Variants in NFIB observed in about 807,000 individuals in gnomAD.
NFIB encodes nuclear factor I B.
A neutral mutation model predicts 61.5 loss-of-function variants in NFIB; 11 were observed. The ratio of observed to expected loss-of-function variants is 0.18; its 90% confidence interval spans 0.11 to 0.30. The LOEUF is 0.30. NFIB is among the 10% of genes least tolerant of loss of function. The pLI is 1.00. For missense variants in NFIB, 471 were observed against 608.9 expected (o/e 0.77, Z 2.38); for synonymous variants, 260 against 216.5 (o/e 1.20, Z -1.76).
the NFIB span, among the ~76,000 whole-genome samples, chr9:14,471,541 G>A: frequency 1.3e-5 from 2 of 152,242 alleles, no homozygotes; most frequent in African/African-American, 4.8e-5. Flanking sequence ...GTAGAAGACT[G>A]CAAAGCTTCT....
At chr9:14,227,421 T>C (rs755576554) in intron 2 of NFIB, among the ~76,000 whole-genome samples, 1 of 152,194 alleles carries the variant, frequency 6.6e-6, no homozygotes, top group Non-Finnish European at 1.5e-5. Flanking sequence ...AAAGCATGGA[T>C]GAATTTTTTA....
chr9:14,310,656 G>A (rs1006031972), intron 1 of NFIB, among the ~76,000 whole-genome samples: 1 of 152,062 alleles, frequency 6.6e-6, no homozygotes, highest in Non-Finnish European at 1.5e-5. Context: ...AAACATATAA[G>A]TGATTTAAAA....
At chr9:14,409,266 T>G in the NFIB span, among the ~76,000 whole-genome samples, 77 of 152,318 alleles carry the variant, frequency 5.1e-4, no homozygotes, top group African/African-American at 1.8e-3. Flanking sequence ...ATAATTTAAT[T>G]TTTAATAATG....
At chr9:14,119,300 A>G (rs1340928076) in intron 8 of NFIB, among the ~76,000 whole-genome samples, 1 of 152,168 alleles carries the variant, frequency 6.6e-6, no homozygotes, top group East Asian at 1.9e-4. Flanking sequence ...ACATTTTAAC[A>G]TTTTCTTCTA....
intron 2 of NFIB, among the ~76,000 whole-genome samples, chr9:14,226,484 C>T (rs374400011): frequency 1.2e-4 from 18 of 150,966 alleles, no homozygotes; most frequent in African/African-American, 4.4e-4. Flanking sequence ...TGCGGTGGTG[C>T]CTGCAGTGTG....
In NFIB at chr9:14,309,433, A is replaced by G. The variant is rs910183915; in HGVS notation, c.31-1913T>C. ...CAGAATAAGTATGAATCAAAATTTT[A>G]TAACAATACAGAATGCTGATGATTA... On this transcript the variant is annotated intron_variant, in intron 1 of 10. Coordinates refer to ENST00000380953, the MANE Select transcript of NFIB (RefSeq NM_001190737.2). 2.0e-5 allele frequency among the ~76,000 whole-genome samples: 3 copies of G among 152,362 alleles called. No individual in the cohort carries two copies. The South Asian group carries it at 6.2e-4, about 32-fold the overall frequency.
chr9:14,445,443 C>T, the NFIB span, among the ~76,000 whole-genome samples: 1 of 151,932 alleles, frequency 6.6e-6, no homozygotes, highest in African/African-American at 2.4e-5. Context: ...TTTATAGATG[C>T]CTTTTATTGG....
the NFIB span, among the ~76,000 whole-genome samples, chr9:14,511,592 G>C: frequency 5.5e-3 from 837 of 152,154 alleles, 6 homozygotes; most frequent in African/African-American, 0.019. Flanking sequence ...AAGCTAAAAG[G>C]CTAGCCTGAG....
At chr9:14,327,536 G>C (rs998036533) in intron 1 of NFIB, among the ~76,000 whole-genome samples, 19 of 152,182 alleles carry the variant, frequency 1.2e-4, no homozygotes, top group Admixed American at 1.1e-3. Flanking sequence ...TACAAGTATA[G>C]ATAGGTTTTT....
intron 2 of NFIB, among the ~76,000 whole-genome samples, chr9:14,266,276 T>C (rs536519271): frequency 6.6e-6 from 1 of 152,168 alleles, no homozygotes; most frequent in Non-Finnish European, 1.5e-5. Context: ...CAGCAGGGCA[T>C]GTGATCTATG....
intron 1 of NFIB, among the ~76,000 whole-genome samples, chr9:14,392,996 G>A (rs957296794): frequency 7.2e-5 from 11 of 152,150 alleles, no homozygotes; most frequent in African/African-American, 9.7e-5. Context: ...ACGGTCTTGC[G>A]AATCTTATCA....
chr9:14,145,997 T>C (rs745627165), intron 6 of NFIB, among the ~76,000 whole-genome samples: 7 of 152,144 alleles, frequency 4.6e-5, no homozygotes, highest in Admixed American at 2.6e-4. Flanking sequence ...AATTTTTCTA[T>C]TTCCATGCTT....
intron 2 of NFIB, among the ~76,000 whole-genome samples, chr9:14,289,079 A>AGTGT (rs1317809128): frequency 5.8e-5 from 2 of 34,348 alleles, no homozygotes; most frequent in African/African-American, 1.0e-4. Flanking sequence ...GATTTTCCAA[A>AGTGT]GCGTGTGTGT....
chr9:14,272,562 G>A, intron 2 of NFIB, among the ~76,000 whole-genome samples: 1 of 151,756 alleles, frequency 6.6e-6, no homozygotes, highest in Non-Finnish European at 1.5e-5. Flanking sequence ...CATTTGTGCT[G>A]CCAGTTTCAT....
intron 2 of NFIB, among the ~76,000 whole-genome samples, chr9:14,261,888 G>A (rs1424322014): frequency 6.6e-6 from 1 of 152,160 alleles, no homozygotes; most frequent in Non-Finnish European, 1.5e-5. Flanking sequence ...TGGTGCATCC[G>A]AACTTGAGGC....
chr9:14,229,191 G>T (rs2052812773), intron 2 of NFIB, among the ~76,000 whole-genome samples: 1 of 152,072 alleles, frequency 6.6e-6, no homozygotes, highest in African/African-American at 2.4e-5. Flanking sequence ...TGCTCTAAAA[G>T]CTCATCGGTA....
At chr9:14,167,492 C>G (rs530120554) in intron 3 of NFIB, among the ~76,000 whole-genome samples, 20 of 152,252 alleles carry the variant, frequency 1.3e-4, no homozygotes, top group Non-Finnish European at 5.9e-5. Context: ...AAGATCACAC[C>G]ACTGCACTCC....
At chr9:14,355,192 G>A (rs190174845) in intron 1 of NFIB, among the ~76,000 whole-genome samples, 1 of 152,278 alleles carries the variant, frequency 6.6e-6, no homozygotes, top group Non-Finnish European at 1.5e-5. Flanking sequence ...TGGAGATAGG[G>A]CCTTTAAGGG....
At chr9:14,224,933 G>A (rs899198591) in intron 2 of NFIB, among the ~76,000 whole-genome samples, 2 of 152,074 alleles carry the variant, frequency 1.3e-5, no homozygotes, top group African/African-American at 4.8e-5. Context: ...TTATAGGAGA[G>A]CACATGACAT....
Sources: allele counts gnomAD v4.1 joint callset (sites outside exome capture counted in the v4.1 genomes callset), GRCh38; gene constraint gnomAD v4.1.1; transcripts MANE v1.5; gene names NCBI Gene and HGNC (gene_info 2026-07-23, HGNC 2026-07-21).